The following ANAPC2 variants were observed in gnomAD, a reference collection of about 807,000 sequenced individuals.
The protein encoded by ANAPC2 is anaphase-promoting complex subunit 2.
Under a neutral mutation model 84.3 loss-of-function variants are expected in ANAPC2, and 29 were observed. That is an observed-to-expected ratio of 0.34 (90% CI 0.26 to 0.47). The LOEUF (loss-of-function observed/expected upper bound fraction) is 0.47, where lower values mean the gene tolerates loss of function less well. Ranked by LOEUF, ANAPC2 falls within the 20% of genes least tolerant of loss-of-function variation. ANAPC2 has a pLI of 1.00. For synonymous variants in ANAPC2, 571 were observed against 479.4 expected (o/e 1.19, Z -2.50); for missense variants, 857 against 1,131.7 (o/e 0.76, Z 3.48).
chr9:137,177,171 G>A (rs774147926), intron 10 of ANAPC2: 1 of 152,226 alleles, frequency 6.6e-6, no homozygotes, highest in Non-Finnish European at 1.5e-5. Context: ...TACACCCGCA[G>A]AAGTGCTGCC....
At position 137,185,724 on chromosome 9, in the gene ANAPC2, C is replaced by T. The variant is rs1834451299; in HGVS notation, c.873+500G>A. Among the ~76,000 whole-genome samples, 2 of 152,236 alleles carry T rather than the reference C, an allele frequency of 1.3e-5. 1 individual carries two copies. The highest frequency in any genetic ancestry group is 4.1e-4 in the South Asian group (2 of 4,836). On this transcript the variant is annotated intron_variant, in intron 3 of 12. Coordinates refer to ENST00000323927, the MANE Select transcript of ANAPC2 (RefSeq NM_013366.4). Reference sequence around the variant, plus strand: ...GGGGGACCCACATGGCTGGGCCCAGCTCCCCTATGGCTCCGGGAGCCCAGA... The same window carrying T: ...GGGGGACCCACATGGCTGGGCCCAGTTCCCCTATGGCTCCGGGAGCCCAGA...
intron 10 of ANAPC2, among the ~76,000 whole-genome samples, chr9:137,179,021 T>C (rs1834281865): frequency 6.6e-6 from 1 of 152,186 alleles, no homozygotes; most frequent in Non-Finnish European, 1.5e-5. Flanking sequence ...AGGTCCAGCC[T>C]CCTTCACAGC....
rs543676776 is a variant in ANAPC2 at position 137,184,980 on chromosome 9, G to A, written c.981C>T (p.His327=). 10 of 1,611,956 alleles carry A rather than the reference G, an allele frequency of 6.2e-6. No homozygotes were observed. The East Asian group carries it at 1.6e-4, about 25-fold the overall frequency. Residue 327 remains histidine (H), a synonymous_variant, in exon 4 of 13, where the codon CAC becomes CAT. Transcript: ENST00000323927. ...AGATGCGGTAGAAGAACCTTTGCAC[G>A]TGGCAGCGCCAGCGGCGCAGGGTGT... The part of the protein sequence containing the change: ...AGNTLRRWRC[H]VQRFFYRIYA...
In ANAPC2 at chr9:137,180,538, G is replaced by A. The variant is rs112208172; in HGVS notation, c.1611-11C>T. ...ACGTTGCGGATCTCCCTGGAAAGAC[G>A]AGTGTCTGGGCAGGGGGTCGTGATG... On this transcript the variant is annotated splice_polypyrimidine_tract_variant and intron_variant, in intron 8 of 12. Coordinates refer to ENST00000323927, the MANE Select transcript of ANAPC2 (RefSeq NM_013366.4). 69 of 1,612,912 alleles carry A rather than the reference G, an allele frequency of 4.3e-5. No individual in the cohort carries two copies. Among genetic ancestry groups the A allele is most frequent in the African/African-American group, 3.3e-4 (25 of 75,068 alleles).
In ANAPC2 at chr9:137,181,760, G is replaced by A. The variant is rs757624432; in HGVS notation, c.1389C>T (p.Ser463=). 5.6e-6 allele frequency: 9 copies of A among 1,611,378 alleles called. No individual in the cohort carries two copies. The highest frequency in any genetic ancestry group is 7.6e-6 in the Non-Finnish European group (9 of 1,179,914). ...CCTCACTGTCCTGGCCTGTCTCCAG[G>A]CTCGCCGGGTCGGTCTTGGACAGCT... is the stretch of plus-strand genomic sequence containing the variant. The part of the protein sequence containing the change: ...AVELSKTDPA[S]LETGQDSEDD... Residue 463 remains serine, a synonymous_variant, in exon 7 of 13, where the codon AGC becomes AGT. Transcript: ENST00000323927.
At chr9:137,180,092 G>A (rs769018841) in intron 10 of ANAPC2, 89 bp downstream of exon 10, 164 of 1,408,504 alleles carry the variant, frequency 1.2e-4, no homozygotes, top group Non-Finnish European at 1.5e-4. Context: ...GGGTGACAAC[G>A]GGGCAGCCAC....
intron 10 of ANAPC2, among the ~76,000 whole-genome samples, chr9:137,178,021 G>A (rs1259706770): frequency 3.3e-5 from 5 of 152,192 alleles, no homozygotes; most frequent in Non-Finnish European, 5.9e-5. Flanking sequence ...TTTTAAGCCC[G>A]CTGGTTTGTG....
chr9:137,183,011 G>A (rs1834376984), intron 6 of ANAPC2, 114 bp downstream of exon 6: 2 of 819,418 alleles, frequency 2.4e-6, no homozygotes, highest in Non-Finnish European at 4.0e-6. Context: ...CCCAGCCGGG[G>A]GAGACCTTGT....
At position 137,188,511 on chromosome 9, in the gene ANAPC2, C is replaced by T. The variant is rs1834530306; in HGVS notation, c.22G>A (p.Ala8Thr). 6.2e-7 allele frequency: 1 copy of T among 1,609,176 alleles called. No individual in the cohort carries two copies. Among genetic ancestry groups the T allele is most frequent in the Admixed American group, 1.7e-5 (1 of 59,890 alleles). ...GGCCGGGAGTCGCTGTCCCCCTCCG[C>T]CACCACAACTGCCGCCGCCATCTGC... Reference protein sequence around the residue: MAAAVVVAEGDSDSRPGQ... With the variant: MAAAVVVTEGDSDSRPGQ... Residue 8 changes from alanine (A) to threonine (T), a missense_variant, in exon 1 of 13, where the codon GCG (alanine) becomes ACG (threonine). Coordinates refer to ENST00000323927, the MANE Select transcript of ANAPC2 (RefSeq NM_013366.4).
In ANAPC2 at chr9:137,184,961, G is replaced by C. The variant is rs779083986; in HGVS notation, c.1000C>G (p.Arg334Gly). The C allele has an allele frequency of 1.9e-6, 3 of 1,612,502 alleles. No homozygotes were observed. The East Asian group carries it at 6.7e-5, about 36-fold the overall frequency. The stretch of plus-strand genomic sequence containing the variant: ...TCGATGCGCAGGCTGGCGTAGATGC[G>C]GTAGAAGAACCTTTGCACGTGGCAG... ...WRCHVQRFFY[R>G]IYASLRIEEL... The change falls in exon 4 of 13, where the codon CGC becomes GGC. Residue 334 changes from arginine to glycine, a missense_variant. By Grantham distance (125) the Arg-to-Gly change is moderately radical (BLOSUM62 -2). This residue lies in a region of ANAPC2 where 428 missense variants were observed against 513.8 expected (regional missense o/e 0.83). Transcript: ENST00000323927.
Position 137,174,927 on chromosome 9 carries a change from C to T in ANAPC2, c.*15G>A, listed in dbSNP as rs914702683. The T allele has an allele frequency of 5.0e-5, 50 of 998,630 alleles. No individual in the cohort carries two copies. The highest frequency in any genetic ancestry group is 7.1e-4 in the Middle Eastern group (2 of 2,814). The allele number at this position is 998,630 out of a possible 1,614,324, so 61.9% of individuals were successfully genotyped here. ...GGGCAGCGCCTGGCGGGCGGGCGGG[C>T]GGGCGGGCGATGTGTCAGCTGCAGT... On this transcript the variant is annotated 3_prime_UTR_variant, in exon 13 of 13. Transcript: ENST00000323927. The surrounding 1 kb of genome is among the most constrained non-coding windows in gnomAD (Gnocchi z 6.1).
At chr9:137,178,565 ACGGAGC>A (rs915254627) in intron 10 of ANAPC2, among the ~76,000 whole-genome samples, 8 of 152,174 alleles carry the variant, frequency 5.3e-5, no homozygotes, top group Admixed American at 2.6e-4. Flanking sequence ...GGGACCGAGC[ACGGAGC>A]CGGGCCACAC....
chr9:137,176,144 T>TATTTG (rs1161954465), intron 10 of ANAPC2: 1 of 237,096 alleles, frequency 4.2e-6, no homozygotes, highest in African/African-American at 3.7e-5. Context: ...CTGAGGTGCA[T>TATTTG]CCTAACCCAA....
chr9:137,175,568 C>A, intron 11 of ANAPC2, 96 bp from the exon 12 acceptor site: 1 of 1,478,412 alleles, frequency 6.8e-7, no homozygotes, highest in Non-Finnish European at 9.0e-7. Flanking sequence ...TCCCGGGCCA[C>A]CCTGCCTTGC....
At chr9:137,187,080 G>A (rs768150118) in intron 2 of ANAPC2, 6 of 205,056 alleles carry the variant, frequency 2.9e-5, no homozygotes, top group Non-Finnish European at 5.0e-5. Flanking sequence ...ACAGTGACCT[G>A]ATCTTCCTGG....
intron 3 of ANAPC2, 101 bp from the exon 4 acceptor site, chr9:137,185,188 G>A: frequency 2.3e-6 from 3 of 1,295,440 alleles, no homozygotes; most frequent in Non-Finnish European, 3.1e-6. Context: ...CTGTCGGCCG[G>A]GACCGAGGGG....
In ANAPC2 at chr9:137,184,928, A is replaced by G; in HGVS notation, c.1033T>C (p.Phe345Leu). The G allele has an allele frequency of 6.2e-7, 1 of 1,612,760 alleles. No individual in the cohort carries two copies. The highest frequency in any genetic ancestry group is 8.5e-7 in the Non-Finnish European group (1 of 1,179,716). ...GCAGGACCACCTCGGACGATGCTGAAGAGCTCCTCGATGCGCAGGCTGGCG... is the reference window on the plus strand; with the variant it reads ...GCAGGACCACCTCGGACGATGCTGAGGAGCTCCTCGATGCGCAGGCTGGCG... ...IYASLRIEEL[F>L]SIVRDFPDSR... Residue 345 changes from phenylalanine (F) to leucine (L), a missense_variant, in exon 4 of 13, where the codon TTC becomes CTC. Coordinates refer to ENST00000323927, the MANE Select transcript of ANAPC2 (RefSeq NM_013366.4).
intron 11 of ANAPC2, 81 bp from the exon 12 acceptor site, chr9:137,175,553 G>A (rs1834190377): frequency 2.4e-5 from 36 of 1,481,822 alleles, no homozygotes; most frequent in Non-Finnish European, 3.1e-5. Flanking sequence ...GAGAGGTCGG[G>A]GGGCTCCCGG....
intron 11 of ANAPC2, 91 bp downstream of exon 11, chr9:137,175,617 G>C: frequency 7.9e-6 from 12 of 1,521,212 alleles, no homozygotes; most frequent in Non-Finnish European, 7.1e-6. Context: ...TGGCGCAGCT[G>C]CCCCAAACCA....
Sources: gnomAD v4.1 joint callset for allele counts (sites outside exome capture counted in the v4.1 genomes callset) on GRCh38, gnomAD v4.1.1 for gene constraint, gnomAD v4.1.1 regional missense constraint, Gnocchi (gnomAD v3.1) non-coding constraint, MANE v1.5 for transcripts, NCBI Gene and HGNC (gene_info 2026-07-23, HGNC 2026-07-21) for gene names.